The following DNAH8 variants were observed in gnomAD, a reference collection of about 807,000 sequenced individuals.
The protein encoded by DNAH8 is dynein axonemal heavy chain 8, also known as axonemal beta dynein heavy chain 8.
In DNAH8, 382 loss-of-function variants were observed where a neutral mutation model predicts 562.1. The ratio of observed to expected loss-of-function variants is 0.68; its 90% CI spans 0.63 to 0.74. The LOEUF (loss-of-function observed/expected upper bound fraction) is 0.74, where lower values mean the gene tolerates loss of function less well. Among genes scored for constraint, DNAH8 ranks in the 30% least tolerant of loss-of-function variants. The pLI, the probability that DNAH8 is intolerant of heterozygous loss-of-function variation, is 0.00. For synonymous variants in DNAH8, 1,881 were observed against 1,919.4 expected (o/e 0.98, Z 0.52); for missense variants, 5,203 against 5,620.4 (o/e 0.93, Z 2.37).
chr6:39,008,867 C>T lies in DNAH8; in HGVS notation c.13268C>T (p.Pro4423Leu), dbSNP rs761682260. 6.2e-7 allele frequency: 1 copy of T among 1,606,642 alleles called. No individual in the cohort carries two copies. Among genetic ancestry groups the T allele is most frequent in the Admixed American group, 1.7e-5 (1 of 59,950 alleles). ...CTTGAAACAATTACCAACATTCAACCCAAAGAGAGTGGAGGTGGTGTGGGA... is the reference window on the plus strand; with the variant it reads ...CTTGAAACAATTACCAACATTCAACTCAAAGAGAGTGGAGGTGGTGTGGGA... ...AVLETITNIQPKESGGGVGET... is the reference protein window; with the variant it reads ...AVLETITNIQLKESGGGVGET... The change falls in exon 89 of 93, where the codon CCC (proline) becomes CTC (leucine). Residue 4423 changes from proline to leucine, a missense_variant. Coordinates refer to ENST00000327475, the MANE Select transcript of DNAH8 (RefSeq NM_001206927.2).
chr6:38,941,770 A>C (rs1472086453), intron 79 of DNAH8, among the ~76,000 whole-genome samples: 1 of 152,162 alleles, frequency 6.6e-6, no homozygotes, highest in African/African-American at 2.4e-5. Context: ...GGTAGGGGGC[A>C]TTGAAGCGTG....
chr6:38,761,260 CT>C (rs1483703364), intron 10 of DNAH8, among the ~76,000 whole-genome samples: 1 of 89,894 alleles, frequency 1.1e-5, no homozygotes, highest in Non-Finnish European at 2.1e-5. Flanking sequence ...TCCCTCCCCC[CT>C]CCCCCCACCC....
At chr6:38,997,133 T>G (rs1765190060) in intron 88 of DNAH8, among the ~76,000 whole-genome samples, 1 of 152,202 alleles carries the variant, frequency 6.6e-6, no homozygotes, top group Admixed American at 6.5e-5. Flanking sequence ...TTCTGGTTCC[T>G]GCTCAGGTGG....
intron 1 of DNAH8, among the ~76,000 whole-genome samples, chr6:38,715,917 AATAAATAAATATAT>A (rs1470306225): frequency 0.016 from 791 of 50,248 alleles, 32 homozygotes; most frequent in African/African-American, 0.063. Flanking sequence ...TAAATAAATA[AATAAATAAATATAT>A]ATATATATAT....
intron 11 of DNAH8, among the ~76,000 whole-genome samples, chr6:38,768,901 T>A (rs1718939985): frequency 1.3e-5 from 2 of 152,220 alleles, no homozygotes; most frequent in Admixed American, 1.3e-4. Flanking sequence ...TCTCTTGTTA[T>A]TTTTGGGAAT....
In DNAH8 at chr6:39,030,223, T is replaced by C; in HGVS notation, c.13955T>C (p.Phe4652Ser). The C allele has an allele frequency of 1.2e-6, 2 of 1,614,138 alleles. No homozygotes were observed. The highest frequency in any genetic ancestry group is 1.7e-6 in the Non-Finnish European group (2 of 1,180,024). Residue 4652 changes from phenylalanine (F) to serine (S), a missense_variant, in exon 93 of 93, where the codon TTT (phenylalanine) becomes TCT (serine). Phe to Ser is a radical substitution (Grantham distance 155). Around this residue, in one of 6 missense-constraint regions of DNAH8, gnomAD observed 1,399 missense variants for 1,518.4 expected, o/e 0.92. Transcript: ENST00000327475. ...LFTQLPVLHI[F>S]AINSTAPKDP... ...ACGCAGTTACCCGTGCTCCACATCT[T>C]TGCCATTAACTCCACGGCACCCAAG...
rs561787664 is a variant in DNAH8 at position 38,926,332 on chromosome 6, T to C, written c.11118+122T>C. Reference sequence around the variant, plus strand: ...GACAAATGTTTGCTAATTCACACTCTTGAGTTTTGTAACAGCAATTTGGGG... The same window carrying C: ...GACAAATGTTTGCTAATTCACACTCCTGAGTTTTGTAACAGCAATTTGGGG... On this transcript the variant is annotated intron_variant, in intron 74 of 92. Transcript: ENST00000327475. 6.1e-4 allele frequency: 685 copies of C among 1,116,666 alleles called. 2 individuals carry two copies. Among genetic ancestry groups the C allele is most frequent in the Admixed American group, 8.4e-4 (35 of 41,482 alleles). The allele number at this position is 1,116,666 out of a possible 1,614,324, so 69.2% of individuals were successfully genotyped here. A position where few individuals can be genotyped will look rare whatever the true frequency, so the allele number is the denominator to read the frequency against.
At chr6:38,833,297 T>C (rs887823829) in intron 31 of DNAH8, among the ~76,000 whole-genome samples, 2 of 152,196 alleles carry the variant, frequency 1.3e-5, no homozygotes, top group African/African-American at 2.4e-5. Context: ...CTCATTCTAT[T>C]GTTAAAGTAA....
At chr6:38,820,843 A>C (rs146863802) in intron 26 of DNAH8, among the ~76,000 whole-genome samples, 3 of 152,326 alleles carry the variant, frequency 2.0e-5, no homozygotes, top group African/African-American at 7.2e-5. Flanking sequence ...GCAATCTGGG[A>C]ATAGAATTGA....
chr6:38,833,198 T>A (rs1352030548), intron 31 of DNAH8, among the ~76,000 whole-genome samples: 1 of 152,186 alleles, frequency 6.6e-6, no homozygotes, highest in Non-Finnish European at 1.5e-5. Flanking sequence ...ACAGTGGATC[T>A]GTATTCATAA....
At chr6:38,896,326 C>T in intron 60 of DNAH8, 101 bp downstream of exon 60, 3 of 977,504 alleles carry the variant, frequency 3.1e-6, no homozygotes, top group Admixed American at 2.4e-5. Flanking sequence ...ATAATTCCAG[C>T]ACTTTGGGAG....
At chr6:38,876,272 C>T (rs1777990713) in intron 53 of DNAH8, among the ~76,000 whole-genome samples, 1 of 152,156 alleles carries the variant, frequency 6.6e-6, no homozygotes, top group Non-Finnish European at 1.5e-5. Context: ...TCACCTTAGC[C>T]CCCCAGCCTT....
At chr6:38,763,182 C>CTCGGTGGTGGCCGT in intron 11 of DNAH8, 2 of 286,058 alleles carry the variant, frequency 7.0e-6, no homozygotes, top group Non-Finnish European at 1.4e-5. Context: ...CAGTGTAGAT[C>CTCGGTGGTGGCCGT]ATACATTTGG....
In DNAH8 at chr6:38,910,560, T is replaced by G. The variant is rs529830726; in HGVS notation, c.9740+816T>G. On this transcript the variant is annotated intron_variant, in intron 65 of 92. Transcript: ENST00000327475. ...TGAATCAGTGTATACTAATTCTTAC[T>G]GTTAAGAAGATTTTCTTTCTATTTG... Among the ~76,000 whole-genome samples the G allele has an allele frequency of 5.3e-5, 8 of 152,252 alleles. No individual in the cohort carries two copies. In the East Asian group the frequency reaches 1.3e-3, roughly 26 times the overall value.
intron 77 of DNAH8, among the ~76,000 whole-genome samples, chr6:38,936,643 GTC>G (rs1197462219): frequency 1.3e-5 from 2 of 152,142 alleles, no homozygotes; most frequent in African/African-American, 2.4e-5. Flanking sequence ...TAGTGAAGTT[GTC>G]TGTTTCTTGG....
In DNAH8 at chr6:38,913,850, T is replaced by G; in HGVS notation, c.9861T>G (p.Gly3287=). 6.2e-7 allele frequency: 1 copy of G among 1,611,176 alleles called. No individual in the cohort carries two copies. The highest frequency in any genetic ancestry group is 8.5e-7 in the Non-Finnish European group (1 of 1,177,734). The stretch of plus-strand genomic sequence containing the variant: ...GTATATATGTGTGTATTTGTAAAGG[T>G]CTTGATAAACTAATGGAGGCAAGTG... ...INEQAERMNI[G]LDKLMEASES... The change falls in exon 67 of 93, where the codon GGT becomes GGG. Residue 3287 remains glycine, a splice_region_variant and synonymous_variant. Coordinates refer to ENST00000327475, the MANE Select transcript of DNAH8 (RefSeq NM_001206927.2).
rs1779453257 is a variant in DNAH8, at chr6:38,893,201, T to C, written c.8584-1500T>C. Among the ~76,000 whole-genome samples the C allele has an allele frequency of 2.0e-5, 3 of 152,210 alleles. No individual in the cohort carries two copies. In the South Asian group the frequency reaches 6.2e-4, roughly 32 times the overall value. On this transcript the variant is annotated intron_variant, in intron 58 of 92. Coordinates refer to ENST00000327475, the MANE Select transcript of DNAH8 (RefSeq NM_001206927.2). Reference sequence around the variant, plus strand: ...AATGAATCTTCCTCCTCTGCCCACCTCTACATAAGCAGCCTTCTTTGTATC... The same window carrying C: ...AATGAATCTTCCTCCTCTGCCCACCCCTACATAAGCAGCCTTCTTTGTATC...
At chr6:38,970,063 C>T (rs1763231465) in intron 82 of DNAH8, among the ~76,000 whole-genome samples, 1 of 152,166 alleles carries the variant, frequency 6.6e-6, no homozygotes. Flanking sequence ...TCTAAATCGC[C>T]TCTTGACCCA....
In DNAH8 at chr6:38,938,787, ATG is replaced by A; in HGVS notation, c.11817-7_11817-6del. The stretch of plus-strand genomic sequence containing the variant: ...GCCCTTTGCTTCTTTGATTCTTAAA[ATG>A]TGTTTCAGATCTGAAAAGTCACCAC... On this transcript the variant is annotated splice_polypyrimidine_tract_variant and intron_variant, in intron 78 of 92. Coordinates refer to ENST00000327475, the MANE Select transcript of DNAH8 (RefSeq NM_001206927.2). 1.3e-6 allele frequency: 2 copies of A among 1,576,602 alleles called. No individual in the cohort carries two copies. The highest frequency in any genetic ancestry group is 1.9e-5 in the Admixed American group (1 of 53,424).
Sources: gnomAD v4.1 joint callset for allele counts (sites outside exome capture counted in the v4.1 genomes callset) on GRCh38, gnomAD v4.1.1 for gene constraint, gnomAD v4.1.1 regional missense constraint, MANE v1.5 for transcripts, NCBI Gene and HGNC (gene_info 2026-07-23, HGNC 2026-07-21) for gene names.